The following PTPRO variants were observed in gnomAD, a reference collection of about 807,000 sequenced individuals.
The protein encoded by PTPRO is receptor-type tyrosine-protein phosphatase O.
PTPRO carries 62 observed loss-of-function variants against 145.2 expected under a neutral mutation model. That is an observed-to-expected ratio of 0.43 (90% confidence interval 0.35 to 0.53). The LOEUF (loss-of-function observed/expected upper bound fraction) is 0.53, where lower values mean the gene tolerates loss of function less well. Among genes scored for constraint, PTPRO ranks in the 20% least tolerant of loss-of-function variants. The probability of loss-of-function intolerance (pLI) is 0.01; values close to 1 mark genes in which losing one functional copy is unlikely to be tolerated. For missense variants in PTPRO, 1,345 were observed against 1,482.7 expected, an observed-to-expected ratio of 0.91 and a Z score of 1.53; for synonymous variants, 565 against 514.7, an observed-to-expected ratio of 1.10 and a Z score of -1.32.
At chr12:15,440,052 C>CT in intron 1 of PTPRO, 1 of 644,818 alleles carries the variant, frequency 1.6e-6, no homozygotes, top group Non-Finnish European at 2.8e-6. Context: ...ATCTGCAAGC[C>CT]CCACACTGTC....
In PTPRO at chr12:15,501,547, C is replaced by T. The variant is rs1942221133; in HGVS notation, c.662-73C>T. On this transcript the variant is annotated intron_variant, in intron 4 of 26. Transcript: ENST00000281171. Reference sequence around the variant, plus strand: ...TTTAAAAATCTGCTTGTGTACCTGACTCATTAAGAGATTAAGTATTCACTC... The same window carrying T: ...TTTAAAAATCTGCTTGTGTACCTGATTCATTAAGAGATTAAGTATTCACTC... 1.6e-5 allele frequency: 22 copies of T among 1,349,626 alleles called. 2 individuals carry two copies. In the South Asian group the frequency reaches 2.4e-4, roughly 15 times the overall value. The allele number at this position is 1,349,626 out of a possible 1,614,324, so 83.6% of individuals were successfully genotyped here. A position where few individuals can be genotyped will look rare whatever the true frequency, so the allele number is the denominator to read the frequency against.
intron 1 of PTPRO, among the ~76,000 whole-genome samples, chr12:15,354,848 C>A (rs916472799): frequency 4.6e-5 from 7 of 152,142 alleles, no homozygotes; most frequent in Non-Finnish European, 1.5e-5. Context: ...GATTCCAAAG[C>A]TCATTCTAAT....
intron 26 of PTPRO, chr12:15,595,289 C>A: frequency 4.0e-6 from 2 of 498,824 alleles, no homozygotes; most frequent in Admixed American, 6.2e-5. Flanking sequence ...GGAGCTTCTG[C>A]ACATCATGAT....
At chr12:15,554,312 G>T (rs1387771500) in intron 15 of PTPRO, among the ~76,000 whole-genome samples, 1 of 151,976 alleles carries the variant, frequency 6.6e-6, no homozygotes, top group African/African-American at 2.4e-5. Context: ...CTTCAGTTTT[G>T]GAAATTGTAT....
chr12:15,464,070 A>G (rs528672493), intron 1 of PTPRO, among the ~76,000 whole-genome samples: 2 of 152,338 alleles, frequency 1.3e-5, no homozygotes, highest in South Asian at 4.1e-4. Flanking sequence ...AATTTTATAT[A>G]CAGAACTAAC....
intron 1 of PTPRO, among the ~76,000 whole-genome samples, chr12:15,469,008 G>A (rs1941479091): frequency 6.6e-6 from 1 of 152,198 alleles, no homozygotes; most frequent in Admixed American, 6.5e-5. Flanking sequence ...CTTACAAAAG[G>A]TCACAATATA....
intron 1 of PTPRO, among the ~76,000 whole-genome samples, chr12:15,418,825 G>A (rs1234160111): frequency 6.6e-6 from 1 of 151,646 alleles, no homozygotes; most frequent in East Asian, 1.9e-4. Context: ...AGCCTAATGT[G>A]CTTCCAAACT....
chr12:15,461,056 C>T (rs1210042845), intron 1 of PTPRO, among the ~76,000 whole-genome samples: 1 of 152,180 alleles, frequency 6.6e-6, no homozygotes, highest in African/African-American at 2.4e-5. Flanking sequence ...CACTCTACCT[C>T]TCTGGCATTA....
chr12:15,453,177 G>A lies in PTPRO; in HGVS notation c.76-30797G>A, dbSNP rs531349883. Among the ~76,000 whole-genome samples the A allele has an allele frequency of 3.9e-5, 6 of 152,164 alleles. No individual in the cohort carries two copies. In the East Asian group the frequency reaches 9.6e-4, roughly 24 times the overall value. On this transcript the variant is annotated intron_variant, in intron 1 of 26. Coordinates refer to ENST00000281171, the MANE Select transcript of PTPRO (RefSeq NM_030667.3). ...GGCTAATTTTTGTATTTGTAGTAGA[G>A]ATGGCATTTCACCACGTTGGCCAGG...
chr12:15,465,529 G>T (rs1432827515), intron 1 of PTPRO, among the ~76,000 whole-genome samples: 2 of 152,172 alleles, frequency 1.3e-5, no homozygotes, highest in Non-Finnish European at 2.9e-5. Flanking sequence ...TAGTAGAGTT[G>T]TATGTTTCCA....
chr12:15,358,586 C>G (rs543055217), intron 1 of PTPRO, among the ~76,000 whole-genome samples: 1 of 152,124 alleles, frequency 6.6e-6, no homozygotes, highest in Non-Finnish European at 1.5e-5. Flanking sequence ...CCTGGAGACT[C>G]TCTAATCTAG....
chr12:15,386,280 T>A (rs1187151604), intron 1 of PTPRO, among the ~76,000 whole-genome samples: 1 of 151,636 alleles, frequency 6.6e-6, no homozygotes, highest in African/African-American at 2.4e-5. Context: ...AATGAATAGA[T>A]GTTGTATTTA....
chr12:15,453,023 CTTTT>C, intron 1 of PTPRO, among the ~76,000 whole-genome samples: 1 of 151,316 alleles, frequency 6.6e-6, no homozygotes, highest in East Asian at 1.9e-4. Flanking sequence ...ACACACATCC[CTTTT>C]TTTTTCTTGG....
intron 1 of PTPRO, among the ~76,000 whole-genome samples, chr12:15,479,397 G>T (rs985902061): frequency 1.3e-5 from 2 of 152,208 alleles, no homozygotes; most frequent in Non-Finnish European, 2.9e-5. Context: ...TAATCAGCCA[G>T]CTGGACAGAC....
intron 23 of PTPRO, among the ~76,000 whole-genome samples, chr12:15,584,990 A>G (rs1944400432): frequency 1.3e-5 from 2 of 152,208 alleles, no homozygotes; most frequent in Admixed American, 1.3e-4. Flanking sequence ...ACTAAAGATC[A>G]TCAAAAACGT....
At chr12:15,351,480 C>A (rs1489162703) in intron 1 of PTPRO, among the ~76,000 whole-genome samples, 1 of 152,008 alleles carries the variant, frequency 6.6e-6, no homozygotes, top group Non-Finnish European at 1.5e-5. Context: ...AGACAACCAG[C>A]ATATGATATT....
chr12:15,567,192 C>G (rs898904183), intron 18 of PTPRO, among the ~76,000 whole-genome samples: 2 of 152,234 alleles, frequency 1.3e-5, no homozygotes, highest in South Asian at 2.1e-4. Context: ...CACCTTCCCC[C>G]CTCTCATTTT....
intron 1 of PTPRO, among the ~76,000 whole-genome samples, chr12:15,455,971 G>A (rs549415280): frequency 6.6e-6 from 1 of 152,112 alleles, no homozygotes; most frequent in African/African-American, 2.4e-5. Context: ...AAACTTGCAC[G>A]TTCTGCACAT....
chr12:15,392,423 A>T (rs897490326), intron 1 of PTPRO, among the ~76,000 whole-genome samples: 4 of 152,136 alleles, frequency 2.6e-5, no homozygotes, highest in Non-Finnish European at 5.9e-5. Flanking sequence ...GATAAGCTTT[A>T]AAGAAGGGGA....
Sources: gnomAD v4.1 joint callset for allele counts (sites outside exome capture counted in the v4.1 genomes callset) on GRCh38, gnomAD v4.1.1 for gene constraint, MANE v1.5 for transcripts, NCBI Gene and HGNC (gene_info 2026-07-23, HGNC 2026-07-21) for gene names.